ANK3: variants seen among roughly 807,000 people sequenced by gnomAD.
The protein encoded by ANK3 is ankyrin 3.
Under a neutral mutation model 370.9 loss-of-function variants are expected in ANK3, and 57 were observed. The ratio of observed to expected loss-of-function variants is 0.15; its 90% CI spans 0.12 to 0.19. The LOEUF (loss-of-function observed/expected upper bound fraction) is 0.19, where lower values mean the gene tolerates loss of function less well. Among genes scored for constraint, ANK3 ranks in the 10% least tolerant of loss-of-function variants. ANK3 has a pLI of 1.00. For missense variants in ANK3, 4,439 were observed against 5,302.1 expected (o/e 0.84, Z 5.06); for synonymous variants, 1,929 against 1,946.3 (o/e 0.99, Z 0.23).
At chr10:60,368,049 T>G (rs575770261) in intron 1 of ANK3, among the ~76,000 whole-genome samples, 41 of 152,300 alleles carry the variant, frequency 2.7e-4, no homozygotes, top group African/African-American at 9.9e-4. Flanking sequence ...CATTGTATAC[T>G]CCACGTGTTG....
chr10:60,536,029 T>C (rs1295268785), intron 2 of ANK3, among the ~76,000 whole-genome samples: 6 of 152,116 alleles, frequency 3.9e-5, no homozygotes, highest in Non-Finnish European at 8.8e-5. Context: ...AGGATAGCCA[T>C]TGCAAATTGC....
At chr10:60,558,187 G>T (rs552362997) in intron 2 of ANK3, among the ~76,000 whole-genome samples, 2 of 152,216 alleles carry the variant, frequency 1.3e-5, no homozygotes, top group South Asian at 4.2e-4. Context: ...ACCCATAAGG[G>T]TCACAAGTAT....
At chr10:60,559,629 C>G (rs1287991092) in intron 2 of ANK3, among the ~76,000 whole-genome samples, 1 of 152,074 alleles carries the variant, frequency 6.6e-6, no homozygotes, top group East Asian at 1.9e-4. Flanking sequence ...GTACAGAATT[C>G]AAACTCTAAT....
At chr10:60,378,012 T>C (rs1337277311) in intron 1 of ANK3, among the ~76,000 whole-genome samples, 9 of 152,194 alleles carry the variant, frequency 5.9e-5, no homozygotes, top group Non-Finnish European at 1.2e-4. Flanking sequence ...TTTTGTCTAA[T>C]CAATTTTTTG....
intron 40 of ANK3, chr10:60,060,072 A>G (rs765755413): frequency 8.1e-7 from 1 of 1,228,888 alleles, no homozygotes; most frequent in East Asian, 2.4e-5. Context: ...AAACACATGG[A>G]ATGACTAAAA....
intron 1 of ANK3, among the ~76,000 whole-genome samples, chr10:60,286,106 C>A (rs1428812662): frequency 6.6e-6 from 1 of 152,080 alleles, no homozygotes; most frequent in Non-Finnish European, 1.5e-5. Flanking sequence ...AAAATCATAA[C>A]ATAAACACCC....
intron 2 of ANK3, among the ~76,000 whole-genome samples, chr10:60,400,885 C>T (rs2063339967): frequency 6.6e-6 from 1 of 152,068 alleles, no homozygotes; most frequent in Non-Finnish European, 1.5e-5. Context: ...TCCCAACAGG[C>T]CCCAGTGTGT....
At chr10:60,053,571 T>C in intron 42 of ANK3, 2 of 858,402 alleles carry the variant, frequency 2.3e-6, no homozygotes, top group Non-Finnish European at 1.6e-6. Flanking sequence ...TAGTGAATTA[T>C]CTAGGAATTG....
rs377164523 is a variant in ANK3, at chr10:60,582,886, A to C, written c.96+32300T>G. ...GCAAAAGATAACAAGTGTTAGTGAA[A>C]ATGTGGAGAAAAGATTGCTGGTAGG... On this transcript the variant is annotated intron_variant, in intron 2 of 43. Coordinates refer to the ANK3 transcript ENST00000373827. 7.2e-5 allele frequency among the ~76,000 whole-genome samples: 11 copies of C among 152,082 alleles called. No homozygotes were observed. In the East Asian group the frequency reaches 9.6e-4, roughly 13 times the overall value.
intron 2 of ANK3, among the ~76,000 whole-genome samples, chr10:60,517,756 AAG>A (rs57698250): frequency 8.0e-5 from 12 of 149,420 alleles, no homozygotes; most frequent in East Asian, 2.0e-4. Context: ...AAAAGAGAGA[AAG>A]AGAGAGAGAG....
At chr10:60,041,597 G>T (rs747511984) in intron 43 of ANK3, among the ~76,000 whole-genome samples, 2 of 152,204 alleles carry the variant, frequency 1.3e-5, no homozygotes, top group Non-Finnish European at 2.9e-5. Context: ...GAAACACTGG[G>T]AAGAGGATGT....
intron 7 of ANK3, among the ~76,000 whole-genome samples, chr10:60,261,025 T>C (rs998751973): frequency 6.6e-6 from 1 of 152,220 alleles, no homozygotes; most frequent in Non-Finnish European, 1.5e-5. Context: ...CTCTTTTAAT[T>C]TTCAGTGACG....
intron 8 of ANK3, among the ~76,000 whole-genome samples, chr10:60,226,235 ATATACTATATTATATAGTATATGTAATAC>A (rs1238929543): frequency 2.5e-5 from 3 of 121,946 alleles, no homozygotes; most frequent in Non-Finnish European, 4.8e-5. Context: ...TACTATGTAT[ATATACTATATTATATAGTATATGTAATAC>A]TATATATACT....
intron 2 of ANK3, among the ~76,000 whole-genome samples, chr10:60,554,641 G>T (rs1702388090): frequency 1.3e-5 from 2 of 152,130 alleles, no homozygotes; most frequent in African/African-American, 2.4e-5. Context: ...TCCAATAGAT[G>T]CTGACATCTT....
At chr10:60,581,923 A>G (rs2077759859) in intron 2 of ANK3, among the ~76,000 whole-genome samples, 1 of 152,158 alleles carries the variant, frequency 6.6e-6, no homozygotes, top group Non-Finnish European at 1.5e-5. Flanking sequence ...CATATACACC[A>G]TGGAATACTA....
chr10:60,338,083 C>T (rs575904499), intron 1 of ANK3, among the ~76,000 whole-genome samples: 226 of 152,278 alleles, frequency 1.5e-3, no homozygotes, highest in African/African-American at 5.1e-3. Context: ...TACCTGTGTT[C>T]CTGTTACTCT....
intron 2 of ANK3, among the ~76,000 whole-genome samples, chr10:60,587,219 T>C (rs1057065307): frequency 2.6e-5 from 4 of 152,254 alleles, no homozygotes; most frequent in African/African-American, 9.6e-5. Flanking sequence ...TGGGGGAAAC[T>C]GCCCCCATGG....
chr10:60,397,113 G>A (rs534598134), intron 2 of ANK3, among the ~76,000 whole-genome samples: 21 of 151,514 alleles, frequency 1.4e-4, no homozygotes, highest in African/African-American at 5.1e-4. Flanking sequence ...GAGGAATGGA[G>A]CAGCACATAT....
intron 1 of ANK3, among the ~76,000 whole-genome samples, chr10:60,302,343 T>G (rs1484291315): frequency 6.6e-6 from 1 of 152,152 alleles, no homozygotes; most frequent in East Asian, 1.9e-4. Flanking sequence ...TTGAACCATA[T>G]GAAATTGCCA....
Sources: allele counts gnomAD v4.1 joint callset (sites outside exome capture counted in the v4.1 genomes callset), GRCh38; gene constraint gnomAD v4.1.1; transcripts MANE v1.5; gene names NCBI Gene and HGNC (gene_info 2026-07-23, HGNC 2026-07-21).